DOCK4: variants seen among roughly 807,000 people sequenced by gnomAD.
The protein encoded by DOCK4 is dedicator of cytokinesis protein 4.
DOCK4 carries 97 observed loss-of-function variants against 268.1 expected under a neutral mutation model. The observed-to-expected ratio is 0.36, with a 90% CI of 0.31 to 0.43. The LOEUF (loss-of-function observed/expected upper bound fraction) is 0.43, where lower values mean the gene tolerates loss of function less well. Ranked by LOEUF, DOCK4 falls within the 20% of genes least tolerant of loss-of-function variation. DOCK4 has a pLI of 1.00. For synonymous variants in DOCK4, 954 were observed against 887.2 expected (o/e 1.08, Z -1.34); for missense variants, 2,145 against 2,455.7 (o/e 0.87, Z 2.67).
At chr7:111,907,980 G>T (rs1468206585) in intron 13 of DOCK4, among the ~76,000 whole-genome samples, 1 of 151,984 alleles carries the variant, frequency 6.6e-6, no homozygotes, top group African/African-American at 2.4e-5. Flanking sequence ...CACCATCCTT[G>T]GTCTCCCAAA....
chr7:111,992,762 C>T (rs1799636240), intron 5 of DOCK4, among the ~76,000 whole-genome samples: 1 of 152,206 alleles, frequency 6.6e-6, no homozygotes, highest in Non-Finnish European at 1.5e-5. Flanking sequence ...GGACAACACT[C>T]ACACTGTCAT....
At chr7:111,908,181 G>A (rs995911309) in intron 13 of DOCK4, among the ~76,000 whole-genome samples, 1 of 152,058 alleles carries the variant, frequency 6.6e-6, no homozygotes, top group Non-Finnish European at 1.5e-5. Flanking sequence ...GGGTGTGGTG[G>A]CTCACACCTG....
chr7:111,837,754 T>C (rs917222267), intron 25 of DOCK4, among the ~76,000 whole-genome samples: 1 of 152,140 alleles, frequency 6.6e-6, no homozygotes, highest in South Asian at 2.1e-4. Flanking sequence ...AAAATGAAGA[T>C]ATTACATGTT....
At chr7:111,753,820 G>T (rs1276307071) in intron 42 of DOCK4, among the ~76,000 whole-genome samples, 1 of 152,232 alleles carries the variant, frequency 6.6e-6, no homozygotes, top group Admixed American at 6.5e-5. Context: ...GCTGTTAAGA[G>T]TGGGCTGTGT....
chr7:111,949,281 T>C (rs1046959952), intron 8 of DOCK4, among the ~76,000 whole-genome samples: 1 of 152,196 alleles, frequency 6.6e-6, no homozygotes, highest in Admixed American at 6.5e-5. Context: ...CAGAAGTCAA[T>C]AGGGCATTTT....
intron 23 of DOCK4, among the ~76,000 whole-genome samples, chr7:111,855,881 T>C (rs1321843364): frequency 6.6e-6 from 1 of 152,238 alleles, no homozygotes; most frequent in Non-Finnish European, 1.5e-5. Flanking sequence ...CTGTCCATAA[T>C]AAATATTTGT....
chr7:111,787,550 T>G (rs2133788524), intron 32 of DOCK4, among the ~76,000 whole-genome samples: 1 of 152,322 alleles, frequency 6.6e-6, no homozygotes, highest in East Asian at 1.9e-4. Flanking sequence ...GGCTTTTCCT[T>G]TTAATGTAAT....
intron 1 of DOCK4, among the ~76,000 whole-genome samples, chr7:112,195,340 T>A (rs1820328131): frequency 6.6e-6 from 1 of 152,184 alleles, no homozygotes. Flanking sequence ...TGTGTGCAAT[T>A]TTTTAGGAAT....
chr7:111,994,030 G>T (rs1799735094), intron 5 of DOCK4, 105 bp downstream of exon 5: 2 of 632,428 alleles, frequency 3.2e-6, no homozygotes, highest in Non-Finnish European at 5.5e-6. Flanking sequence ...AAGGAGTCCT[G>T]GAGACTTGCA....
chr7:111,992,704 C>G (rs1799631114), intron 5 of DOCK4, among the ~76,000 whole-genome samples: 1 of 152,206 alleles, frequency 6.6e-6, no homozygotes, highest in African/African-American at 2.4e-5. Flanking sequence ...TTGTTCCCCA[C>G]TAGTAGCTAT....
intron 1 of DOCK4, among the ~76,000 whole-genome samples, chr7:112,019,989 A>G (rs1802173833): frequency 1.3e-5 from 2 of 152,168 alleles, no homozygotes; most frequent in South Asian, 4.1e-4. Context: ...CCCAATTTAC[A>G]ATTGGAGCTG....
chr7:112,191,008 A>G (rs1477343168), intron 1 of DOCK4, among the ~76,000 whole-genome samples: 1 of 152,154 alleles, frequency 6.6e-6, no homozygotes, highest in Non-Finnish European at 1.5e-5. Context: ...TGCTCCTCCA[A>G]TGAATGGGAA....
intron 1 of DOCK4, among the ~76,000 whole-genome samples, chr7:112,164,411 T>C (rs932705305): frequency 3.3e-5 from 5 of 152,356 alleles, no homozygotes; most frequent in Admixed American, 1.3e-4. Context: ...AGTCTGCATA[T>C]AACCATATTA....
chr7:111,879,831 G>C (rs2134280765), intron 16 of DOCK4, among the ~76,000 whole-genome samples: 1 of 152,242 alleles, frequency 6.6e-6, no homozygotes, highest in African/African-American at 2.4e-5. Context: ...TAAAGCAGAA[G>C]AAAGAATTGG....
intron 1 of DOCK4, among the ~76,000 whole-genome samples, chr7:112,034,945 G>T (rs878888244): frequency 1.3e-5 from 2 of 152,050 alleles, no homozygotes; most frequent in Admixed American, 1.3e-4. Context: ...AAAGGAGAAA[G>T]ATGGGGTAAC....
At chr7:111,742,266 A>G (rs991178111) in intron 44 of DOCK4, 134 bp from the exon 45 acceptor site, 1 of 965,204 alleles carries the variant, frequency 1.0e-6, no homozygotes, top group Admixed American at 4.0e-5. Flanking sequence ...AGGTAGGAAC[A>G]GCTGTCACTT....
intron 52 of DOCK4, among the ~76,000 whole-genome samples, chr7:111,731,160 C>T (rs766013864): frequency 3.1e-4 from 47 of 152,124 alleles, no homozygotes; most frequent in Non-Finnish European, 5.7e-4. Context: ...GAGAACAAAA[C>T]GAGCAAATCA....
At chr7:112,080,872 G>C (rs1808517218) in intron 1 of DOCK4, among the ~76,000 whole-genome samples, 1 of 152,138 alleles carries the variant, frequency 6.6e-6, no homozygotes, top group Non-Finnish European at 1.5e-5. Context: ...AAGATATTTT[G>C]ATGTTTCAAT....
intron 1 of DOCK4, among the ~76,000 whole-genome samples, chr7:112,062,743 G>C (rs1425022018): frequency 6.6e-6 from 1 of 152,134 alleles, no homozygotes; most frequent in Non-Finnish European, 1.5e-5. Context: ...GCAATGGCAC[G>C]ATCTCGGCTC....
Sources: gnomAD v4.1 joint callset for allele counts (sites outside exome capture counted in the v4.1 genomes callset) on GRCh38, gnomAD v4.1.1 for gene constraint, MANE v1.5 for transcripts, NCBI Gene and HGNC (gene_info 2026-07-23, HGNC 2026-07-21) for gene names.